Variants in SLC4A10 observed in about 807,000 individuals in gnomAD.
SLC4A10 encodes the protein solute carrier family 4 member 10, also known as sodium-driven chloride bicarbonate exchanger.
SLC4A10 carries 42 observed loss-of-function variants against 137.7 expected under a neutral mutation model. That is an observed-to-expected ratio of 0.30 (90% confidence interval 0.24 to 0.39). SLC4A10 has a LOEUF of 0.39. Ranked by LOEUF, SLC4A10 falls within the 10% of genes least tolerant of loss-of-function variation. SLC4A10 has a pLI of 1.00. For synonymous variants in SLC4A10, 474 were observed against 464.1 expected, an observed-to-expected ratio of 1.02 and a Z score of -0.27; for missense variants, 925 against 1,355.0, an observed-to-expected ratio of 0.68 and a Z score of 4.98.
chr2:161,771,655 A>C (rs2051629381), intron 2 of SLC4A10, among the ~76,000 whole-genome samples: 1 of 151,912 alleles, frequency 6.6e-6, no homozygotes, highest in South Asian at 2.1e-4. Flanking sequence ...TATTAAAGCA[A>C]GGATAATAAT....
intron 9 of SLC4A10, among the ~76,000 whole-genome samples, chr2:161,879,829 A>G (rs568195984): frequency 6.6e-6 from 1 of 152,184 alleles, no homozygotes; most frequent in South Asian, 2.1e-4. Context: ...TGGTAGAAGT[A>G]TTATCGCAGT....
At chr2:161,737,348 C>G (rs1275342981) in intron 1 of SLC4A10, among the ~76,000 whole-genome samples, 1 of 151,822 alleles carries the variant, frequency 6.6e-6, no homozygotes, top group Non-Finnish European at 1.5e-5. Context: ...AAACGATTCT[C>G]TATGTCTGGA....
At chr2:161,979,382 A>G (rs1398433004) in intron 26 of SLC4A10, among the ~76,000 whole-genome samples, 1 of 152,218 alleles carries the variant, frequency 6.6e-6, no homozygotes, top group Admixed American at 6.5e-5. Flanking sequence ...TTTTCAATAG[A>G]CTATCCTTTA....
intron 3 of SLC4A10, among the ~76,000 whole-genome samples, chr2:161,831,715 TC>T (rs909345541): frequency 9.9e-5 from 15 of 152,010 alleles, no homozygotes; most frequent in Non-Finnish European, 1.9e-4. Context: ...AATTCTTTTT[TC>T]CCCCCTCAAA....
chr2:161,835,204 AT>A (rs1372570271), intron 3 of SLC4A10, among the ~76,000 whole-genome samples: 1 of 151,726 alleles, frequency 6.6e-6, no homozygotes, highest in Non-Finnish European at 1.5e-5. Flanking sequence ...TGCCCAGCTA[AT>A]TTTTTGTATT....
chr2:161,787,101 T>C (rs991242980), intron 2 of SLC4A10, among the ~76,000 whole-genome samples: 1 of 152,116 alleles, frequency 6.6e-6, no homozygotes, highest in Non-Finnish European at 1.5e-5. Flanking sequence ...GCATTTCTTA[T>C]AGCACCAGTC....
At chr2:161,638,596 T>G (rs1187520851) in intron 1 of SLC4A10, among the ~76,000 whole-genome samples, 1 of 152,116 alleles carries the variant, frequency 6.6e-6, no homozygotes, top group Non-Finnish European at 1.5e-5. Flanking sequence ...CAGATATCTT[T>G]GTCTATTTAG....
At position 161,873,999 on chromosome 2, in the gene SLC4A10, G is replaced by A. The variant is rs1439674040; in HGVS notation, c.942G>A (p.Glu314=). ...RHEKGPPHQQ[E]REVDLHFMKK... ...AAAAAGGACCTCCACACCAGCAAGA[G>A]AGAGAGGTGAGGGCATACTCGGGCT... The change falls in exon 8 of 27, where the codon GAG becomes GAA. Residue 314 remains glutamate (E), a synonymous_variant. Transcript: ENST00000446997. The A allele has an allele frequency of 2.5e-6, 4 of 1,588,472 alleles. No individual in the cohort carries two copies. Among genetic ancestry groups the A allele is most frequent in the Non-Finnish European group, 2.6e-6 (3 of 1,174,930 alleles).
In SLC4A10 at chr2:161,813,727, TC is replaced by T. The variant is rs144439927; in HGVS notation, c.277+9133del. Among the ~76,000 whole-genome samples the T allele has an allele frequency of 5.1e-3, 781 of 152,240 alleles. 4 individuals are homozygous for T. Among genetic ancestry groups the T allele is most frequent in the African/African-American group, 0.018 (748 of 41,558 alleles). On this transcript the variant is annotated intron_variant, in intron 3 of 26. Coordinates refer to ENST00000446997, the MANE Select transcript of SLC4A10 (RefSeq NM_001178015.2). ...ATATTTATATCATCTTACAAGTATT[TC>T]ATGAGCAAATAAAAATAAGCTGTAT...
chr2:161,832,770 T>TCA (rs2058515120), intron 3 of SLC4A10, among the ~76,000 whole-genome samples: 2 of 151,652 alleles, frequency 1.3e-5, no homozygotes. Context: ...AGACAGAGTC[T>TCA]CACTCTGTCG....
In SLC4A10 at chr2:161,758,184, T is replaced by G. The variant is rs1041556410; in HGVS notation, c.49-12789T>G. Among the ~76,000 whole-genome samples, 5 of 151,922 alleles carry G rather than the reference T, an allele frequency of 3.3e-5. No homozygotes were observed. In the South Asian group the frequency reaches 1.0e-3, roughly 31 times the overall value. ...TAGTAAATTACATGTATACTAATAG[T>G]TCTACTACTTTTTAAGTTATATGAT... is the stretch of plus-strand genomic sequence containing the variant. On this transcript the variant is annotated intron_variant, in intron 1 of 26. Coordinates refer to ENST00000446997, the MANE Select transcript of SLC4A10 (RefSeq NM_001178015.2).
intron 1 of SLC4A10, among the ~76,000 whole-genome samples, chr2:161,720,163 A>G (rs1209070320): frequency 6.6e-6 from 1 of 152,164 alleles, no homozygotes; most frequent in Admixed American, 6.5e-5. Context: ...TCCTTTCCCC[A>G]TTGCTTGTTT....
chr2:161,662,874 G>C (rs2038604082), intron 1 of SLC4A10, among the ~76,000 whole-genome samples: 1 of 152,284 alleles, frequency 6.6e-6, no homozygotes, highest in Middle Eastern at 3.4e-3. Context: ...TTTTGAAGTG[G>C]ATATTACTGC....
intron 1 of SLC4A10, among the ~76,000 whole-genome samples, chr2:161,660,613 T>C (rs141319421): frequency 3.3e-4 from 43 of 130,234 alleles, no homozygotes; most frequent in Non-Finnish European, 5.7e-4. Context: ...TCTTTCTTTC[T>C]TTCTTTCTTT....
intron 1 of SLC4A10, among the ~76,000 whole-genome samples, chr2:161,640,747 C>T (rs528403797): frequency 1.3e-5 from 2 of 151,838 alleles, no homozygotes; most frequent in East Asian, 3.9e-4. Flanking sequence ...TGCACTGCAG[C>T]CTCTGAATCC....
intron 1 of SLC4A10, among the ~76,000 whole-genome samples, chr2:161,734,035 C>G (rs1436154593): frequency 6.6e-6 from 1 of 152,166 alleles, no homozygotes; most frequent in Non-Finnish European, 1.5e-5. Flanking sequence ...AACTAGCTTG[C>G]TTTTGATTTT....
intron 1 of SLC4A10, among the ~76,000 whole-genome samples, chr2:161,734,819 T>C (rs945443871): frequency 6.6e-6 from 1 of 152,124 alleles, no homozygotes; most frequent in African/African-American, 2.4e-5. Flanking sequence ...CCGAATCATA[T>C]CTTGAATTGT....
At chr2:161,770,273 C>G (rs970439616) in intron 1 of SLC4A10, among the ~76,000 whole-genome samples, 8 of 151,786 alleles carry the variant, frequency 5.3e-5, no homozygotes, top group Non-Finnish European at 7.4e-5. Context: ...ATACTCAGCC[C>G]CCCTGCCATT....
chr2:161,652,362 T>G (rs1036823987), intron 1 of SLC4A10, among the ~76,000 whole-genome samples: 6 of 152,214 alleles, frequency 3.9e-5, no homozygotes, highest in Non-Finnish European at 8.8e-5. Context: ...TTGTTACAGC[T>G]TTGGGCATTG....
Sources: gnomAD v4.1 joint callset for allele counts (sites outside exome capture counted in the v4.1 genomes callset) on GRCh38, gnomAD v4.1.1 for gene constraint, MANE v1.5 for transcripts, NCBI Gene and HGNC (gene_info 2026-07-23, HGNC 2026-07-21) for gene names.